PXMP4: variants seen among roughly 807,000 people sequenced by gnomAD.
PXMP4 encodes 24 kDa peroxisomal intrinsic membrane protein.
A neutral mutation model predicts 21.6 loss-of-function variants in PXMP4; 16 were observed. That is an observed-to-expected ratio of 0.74 (90% CI 0.50 to 1.13). PXMP4 has a LOEUF of 1.13. Ranked by LOEUF, PXMP4 falls within the 50% of genes most tolerant of loss-of-function variation. The probability of loss-of-function intolerance (pLI) is 0.00; values close to 1 mark genes in which losing one functional copy is unlikely to be tolerated. For missense variants in PXMP4, 240 were observed against 277.7 expected, an observed-to-expected ratio of 0.86 and a Z score of 0.96; for synonymous variants, 127 against 123.8, an observed-to-expected ratio of 1.03 and a Z score of -0.17.
chr20:33,715,163 T>C (rs1000887252), intron 1 of PXMP4, among the ~76,000 whole-genome samples: 1 of 152,114 alleles, frequency 6.6e-6, no homozygotes. Flanking sequence ...TTTTTTGAGA[T>C]GGAGTCTCAC....
Position 33,707,804 on chromosome 20 carries a change from AG to A in PXMP4, c.540del (p.Ser181ArgfsTer6), listed in dbSNP as rs758120687. 20 of 1,614,056 alleles carry A rather than the reference AG, an allele frequency of 1.2e-5. No homozygotes were observed. The highest frequency in any genetic ancestry group is 1.7e-5 in the Non-Finnish European group (20 of 1,180,022). On this transcript the variant is annotated frameshift_variant, in exon 4 of 4. Coordinates refer to ENST00000409299, the MANE Select transcript of PXMP4 (RefSeq NM_007238.5). LOFTEE classifies it high-confidence loss of function. ...AGGTAGGTCATGGAGGACTGCAGCG[AG>A]GGCTGCAGGGTGGATCGGTGATACT... is the stretch of plus-strand genomic sequence containing the variant. ...LFEYHRSTLQPSLQSSMTYLY... is the reference protein window; with the variant it reads ...LFEYHRSTLQXSLQSSMTYLY...
rs1320057918 is a variant in PXMP4, at chr20:33,705,830, G to A, written c.*1876C>T. On this transcript the variant is annotated 3_prime_UTR_variant, in exon 4 of 4. Coordinates refer to ENST00000409299, the MANE Select transcript of PXMP4 (RefSeq NM_007238.5). ...GGAAAAAACATGGGCTTTGAAATCA[G>A]ACGAATCTGAGTTCAAATCTTGATT... 1 of 152,152 alleles carries A rather than the reference G, an allele frequency of 6.6e-6. No homozygotes were observed. Among genetic ancestry groups the A allele is most frequent in the Non-Finnish European group, 1.5e-5 (1 of 68,028 alleles). The allele number at this position is 152,152 out of a possible 1,614,324, so 9.4% of individuals were successfully genotyped here. A position where few individuals can be genotyped will look rare whatever the true frequency, so the allele number is the denominator to read the frequency against.
chr20:33,707,348 C>A lies in PXMP4; in HGVS notation c.*358G>T. The stretch of plus-strand genomic sequence containing the variant: ...ACCCACTGCCCACCAGCAAGGAGCC[C>A]TCTGTGACATAAGAACAGTTGAAGA... On this transcript the variant is annotated 3_prime_UTR_variant, in exon 4 of 4. Transcript: ENST00000409299. 4.8e-6 allele frequency: 1 copy of A among 206,744 alleles called. No individual in the cohort carries two copies. The highest frequency in any genetic ancestry group is 1.1e-4 in the South Asian group (1 of 9,288). 12.8% of individuals were successfully genotyped at this position (206,744 alleles called of 1,614,324 possible).
chr20:33,710,972 A>G (rs1276261610), intron 2 of PXMP4, among the ~76,000 whole-genome samples: 1 of 152,124 alleles, frequency 6.6e-6, no homozygotes, highest in Admixed American at 6.5e-5. Flanking sequence ...CAGAATACCC[A>G]TCACATCCTG....
intron 1 of PXMP4, among the ~76,000 whole-genome samples, chr20:33,717,879 G>T (rs1311218297): frequency 6.6e-6 from 1 of 152,042 alleles, no homozygotes; most frequent in African/African-American, 2.4e-5. Context: ...TGTGAGCTTG[G>T]ATAAATTAGT....
chr20:33,714,762 C>T (rs1189338155), intron 1 of PXMP4, 26 bp from the exon 2 acceptor site: 3 of 1,609,618 alleles, frequency 1.9e-6, no homozygotes, highest in Admixed American at 1.7e-5. Flanking sequence ...AAAACAGTTA[C>T]TATAATGTCA....
At chr20:33,709,684 C>G (rs907673151) in intron 3 of PXMP4, among the ~76,000 whole-genome samples, 15 of 151,764 alleles carry the variant, frequency 9.9e-5, no homozygotes, top group Non-Finnish European at 2.2e-4. Flanking sequence ...AACCTCTATA[C>G]AGAACCAGGG....
Position 33,714,705 on chromosome 20 carries a change from G to C in PXMP4, c.145C>G (p.Leu49Val), listed in dbSNP as rs144374358. The C allele has an allele frequency of 4.9e-4, 785 of 1,614,106 alleles. 8 individuals are homozygous for C. The African/African-American group carries it at 9.3e-3, about 19-fold the overall frequency. ...TTCCGGAAGAGAAAGGTCATGACCA[G>C]CGCGTGAGGGGCCCGGATTTTGGCT... The part of the protein sequence containing the change: ...YGAKIRAPHA[L>V]VMTFLFRNGS... Residue 49 changes from leucine (L) to valine (V), a missense_variant, in exon 2 of 4, where the codon CTG becomes GTG. Coordinates refer to ENST00000409299, the MANE Select transcript of PXMP4 (RefSeq NM_007238.5).
intron 3 of PXMP4, among the ~76,000 whole-genome samples, chr20:33,708,713 C>A (rs1366160003): frequency 6.7e-6 from 1 of 149,300 alleles, no homozygotes; most frequent in Admixed American, 6.6e-5. Context: ...TTTTTTGAGA[C>A]AGAGTCTTGC....
rs1424001438 is a variant in PXMP4, at chr20:33,708,007, T to C, written c.376-38A>G. 7 of 1,579,248 alleles carry C rather than the reference T, an allele frequency of 4.4e-6. No individual in the cohort carries two copies. The African/African-American group carries it at 8.1e-5, about 18-fold the overall frequency. The stretch of plus-strand genomic sequence containing the variant: ...AATGATGGGAATTACTGGTGATCAA[T>C]AGTGATGTCCCTCTTTTGTTTTTGA... On this transcript the variant is annotated intron_variant, in intron 3 of 3. Transcript: ENST00000409299.
intron 1 of PXMP4, among the ~76,000 whole-genome samples, chr20:33,716,389 C>A (rs1473406337): frequency 1.3e-5 from 2 of 152,152 alleles, no homozygotes; most frequent in African/African-American, 2.4e-5. Flanking sequence ...CTGGCTTTGG[C>A]CTGGCAGTTC....
Position 33,720,279 on chromosome 20 carries a change from CCCA to C in PXMP4, c.-75_-73del. ...GACAGCCGGAGGTTCCAGCTGCGCG[CCCA>C]CAGCCCCTCGGTAGCGCCGCCGACT... On this transcript the variant is annotated 5_prime_UTR_variant, in exon 1 of 4. Transcript: ENST00000409299. 7.4e-7 allele frequency: 1 copy of C among 1,358,618 alleles called. No individual in the cohort carries two copies. Among genetic ancestry groups the C allele is most frequent in the South Asian group, 1.2e-5 (1 of 80,064 alleles). 84.2% of individuals were successfully genotyped at this position (1,358,618 alleles called of 1,614,324 possible). A position where few individuals can be genotyped will look rare whatever the true frequency, so the allele number is the denominator to read the frequency against.
At chr20:33,715,234 G>A (rs1288016087) in intron 1 of PXMP4, among the ~76,000 whole-genome samples, 8 of 152,128 alleles carry the variant, frequency 5.3e-5, no homozygotes, top group Non-Finnish European at 7.4e-5. Flanking sequence ...TCGGCCTCCC[G>A]GGTTCAAGCA....
chr20:33,708,078 C>T (rs2018282681), intron 3 of PXMP4, 109 bp from the exon 4 acceptor site: 1 of 1,277,388 alleles, frequency 7.8e-7, no homozygotes, highest in Non-Finnish European at 1.1e-6. Flanking sequence ...GAGAGCCTGG[C>T]TAGGGGTTTA....
chr20:33,708,088 A>T, intron 3 of PXMP4, 119 bp from the exon 4 acceptor site: 1 of 1,142,850 alleles, frequency 8.8e-7, no homozygotes, highest in Non-Finnish European at 1.2e-6. Context: ...CTAGGGGTTT[A>T]TTTATTTTAA....
chr20:33,712,317 C>T (rs972173909), intron 2 of PXMP4, among the ~76,000 whole-genome samples: 1 of 152,236 alleles, frequency 6.6e-6, no homozygotes, highest in Admixed American at 6.5e-5. Context: ...CCTGCACCAG[C>T]ACCACTGAGG....
Position 33,706,815 on chromosome 20 carries a change from T to C in PXMP4, c.*891A>G. 6.6e-6 allele frequency: 1 copy of C among 152,254 alleles called. No homozygotes were observed. Among genetic ancestry groups the C allele is most frequent in the Middle Eastern group, 3.4e-3 (1 of 294 alleles). 9.4% of individuals were successfully genotyped at this position (152,254 alleles called of 1,614,324 possible). The stretch of plus-strand genomic sequence containing the variant: ...TTTGAATACTTAATACAAAAAAGAG[T>C]ACAAAATATCTAATGATGTTAATTA... On this transcript the variant is annotated 3_prime_UTR_variant, in exon 4 of 4. Coordinates refer to ENST00000409299, the MANE Select transcript of PXMP4 (RefSeq NM_007238.5).
intron 2 of PXMP4, among the ~76,000 whole-genome samples, chr20:33,712,810 T>G (rs1387958692): frequency 6.6e-6 from 1 of 152,230 alleles, no homozygotes; most frequent in African/African-American, 2.4e-5. Flanking sequence ...TTTGTATTTT[T>G]AGTAGAGACG....
intron 2 of PXMP4, among the ~76,000 whole-genome samples, chr20:33,711,639 T>C (rs2018326503): frequency 1.3e-5 from 2 of 151,942 alleles, no homozygotes; most frequent in African/African-American, 4.8e-5. Context: ...GAGGCTGAGC[T>C]GAGATGGTGC....
Sources: gnomAD v4.1 joint callset for allele counts (sites outside exome capture counted in the v4.1 genomes callset) on GRCh38, gnomAD v4.1.1 for gene constraint, MANE v1.5 for transcripts, NCBI Gene and HGNC (gene_info 2026-07-23, HGNC 2026-07-21) for gene names.